NPAS3: variants seen among roughly 807,000 people sequenced by gnomAD.
The protein encoded by NPAS3 is neuronal PAS domain protein 3, also known as neuronal PAS domain-containing protein 3.
Under a neutral mutation model 73.1 loss-of-function variants are expected in NPAS3, and 14 were observed. The observed-to-expected ratio is 0.19, with a 90% CI of 0.13 to 0.30. NPAS3 has a LOEUF of 0.30. NPAS3 is among the 10% of genes least tolerant of loss of function. NPAS3 has a pLI of 1.00. For missense variants in NPAS3, 1,096 were observed against 1,250.0 expected, an observed-to-expected ratio of 0.88 and a Z score of 1.86; for synonymous variants, 620 against 541.5, an observed-to-expected ratio of 1.14 and a Z score of -2.01.
chr14:33,035,387 G>GT (rs1338589416), intron 1 of NPAS3, among the ~76,000 whole-genome samples: 7 of 152,208 alleles, frequency 4.6e-5, no homozygotes, highest in South Asian at 2.1e-4. Context: ...AGTTGCTGGT[G>GT]TTTTTTGACA....
intron 4 of NPAS3, among the ~76,000 whole-genome samples, chr14:33,371,798 G>GTGTAC (rs1452045988): frequency 6.6e-6 from 1 of 152,124 alleles, no homozygotes; most frequent in African/African-American, 2.4e-5. Flanking sequence ...AATTTTTACT[G>GTGTAC]TGTACTAAGT....
intron 2 of NPAS3, among the ~76,000 whole-genome samples, chr14:33,196,950 C>T (rs1019533277): frequency 1.3e-5 from 2 of 151,968 alleles, no homozygotes; most frequent in Non-Finnish European, 2.9e-5. Flanking sequence ...TTTTCTTCTC[C>T]CTTGTCATCA....
At chr14:33,236,434 T>C (rs937864579) in intron 3 of NPAS3, among the ~76,000 whole-genome samples, 3 of 152,162 alleles carry the variant, frequency 2.0e-5, no homozygotes, top group Non-Finnish European at 2.9e-5. Context: ...CTGACATGTG[T>C]GCATGGAGCT....
chr14:33,157,982 A>G (rs144864417), intron 2 of NPAS3, among the ~76,000 whole-genome samples: 3 of 152,364 alleles, frequency 2.0e-5, no homozygotes, highest in Non-Finnish European at 4.4e-5. Flanking sequence ...TTGGCTGGTA[A>G]TAATGATACT....
At chr14:33,349,042 C>T (rs1170550259) in intron 3 of NPAS3, among the ~76,000 whole-genome samples, 6 of 152,102 alleles carry the variant, frequency 3.9e-5, no homozygotes, top group Admixed American at 6.5e-5. Flanking sequence ...AGGAACCAAA[C>T]GAGTACAAAA....
chr14:33,527,512 C>T (rs2053854562), intron 4 of NPAS3, among the ~76,000 whole-genome samples: 1 of 152,082 alleles, frequency 6.6e-6, no homozygotes, highest in Non-Finnish European at 1.5e-5. Context: ...GAGAAAGTGC[C>T]GTTTCTTTCT....
intron 4 of NPAS3, among the ~76,000 whole-genome samples, chr14:33,543,989 A>ATATATATC (rs2054653570): frequency 5.4e-5 from 2 of 37,290 alleles, no homozygotes; most frequent in Non-Finnish European, 8.9e-5. Context: ...ATATATATAT[A>ATATATATC]TATATATATA....
chr14:33,583,529 A>G (rs1010822357), intron 5 of NPAS3: 2 of 152,216 alleles, frequency 1.3e-5, no homozygotes, highest in Non-Finnish European at 2.9e-5. Context: ...TGAAGGAAAA[A>G]GATGAGCTAA....
At chr14:32,992,908 A>C (rs936017180) in intron 1 of NPAS3, among the ~76,000 whole-genome samples, 2 of 152,110 alleles carry the variant, frequency 1.3e-5, no homozygotes. Context: ...TAATCCCAGC[A>C]CTTTGGGAGG....
intron 3 of NPAS3, among the ~76,000 whole-genome samples, chr14:33,284,394 T>C (rs1252163700): frequency 1.3e-5 from 2 of 152,118 alleles, no homozygotes; most frequent in Non-Finnish European, 2.9e-5. Context: ...AAAAAATTTA[T>C]AGGTAGAAGC....
intron 1 of NPAS3, among the ~76,000 whole-genome samples, chr14:32,956,615 A>T (rs2036681127): frequency 6.6e-6 from 1 of 152,176 alleles, no homozygotes; most frequent in Non-Finnish European, 1.5e-5. Context: ...TTTACTCTGG[A>T]CATAGCTTAC....
chr14:33,233,665 T>G (rs187723688), intron 3 of NPAS3, among the ~76,000 whole-genome samples: 1 of 152,284 alleles, frequency 6.6e-6, no homozygotes, highest in Admixed American at 6.5e-5. Context: ...TTATGCTTAT[T>G]TTAACCCTTT....
At chr14:33,750,036 A>T (rs1241185703) in intron 7 of NPAS3, among the ~76,000 whole-genome samples, 3 of 152,172 alleles carry the variant, frequency 2.0e-5, no homozygotes, top group African/African-American at 7.2e-5. Flanking sequence ...AAAATTTTTT[A>T]AGGATGGTAC....
chr14:33,581,662 C>T (rs555057679), intron 5 of NPAS3, among the ~76,000 whole-genome samples: 4 of 152,262 alleles, frequency 2.6e-5, no homozygotes, highest in African/African-American at 9.6e-5. Flanking sequence ...CCTTGACCTC[C>T]CCTGGCTTAG....
intron 4 of NPAS3, among the ~76,000 whole-genome samples, chr14:33,494,743 C>T (rs969760918): frequency 1.3e-5 from 2 of 152,060 alleles, no homozygotes; most frequent in African/African-American, 2.4e-5. Context: ...CAGTCAACAA[C>T]ATTCCTTACA....
At chr14:33,418,056 T>G (rs2048223350) in intron 4 of NPAS3, among the ~76,000 whole-genome samples, 1 of 151,928 alleles carries the variant, frequency 6.6e-6, no homozygotes, top group African/African-American at 2.4e-5. Flanking sequence ...AGGATTTTTT[T>G]TTTTCAGAAA....
chr14:33,393,593 T>A (rs1002770901), intron 4 of NPAS3, among the ~76,000 whole-genome samples: 3 of 152,190 alleles, frequency 2.0e-5, no homozygotes, highest in African/African-American at 7.2e-5. Context: ...ATTACTCATG[T>A]AACAAACTGA....
At chr14:33,024,985 T>A (rs537594453) in intron 1 of NPAS3, among the ~76,000 whole-genome samples, 1 of 152,242 alleles carries the variant, frequency 6.6e-6, no homozygotes, top group Admixed American at 6.5e-5. Flanking sequence ...TTCTAAACTA[T>A]TCTTAACATA....
At chr14:33,280,136 C>T (rs17558821) in intron 3 of NPAS3, among the ~76,000 whole-genome samples, 40,886 of 151,942 alleles carry the variant, frequency 0.27, 6,003 homozygotes, top group Middle Eastern at 0.35. Context: ...TGAGTAGCTT[C>T]CTTGGTAGTG....
Sources: gnomAD v4.1 joint callset for allele counts (sites outside exome capture counted in the v4.1 genomes callset) on GRCh38, gnomAD v4.1.1 for gene constraint, MANE v1.5 for transcripts, NCBI Gene and HGNC (gene_info 2026-07-23, HGNC 2026-07-21) for gene names.